SV2C: variants seen among roughly 807,000 people sequenced by gnomAD.
The protein encoded by SV2C is synaptic vesicle glycoprotein 2C.
SV2C carries 49 observed loss-of-function variants against 79.7 expected under a neutral mutation model. The ratio of observed to expected loss-of-function variants is 0.61; its 90% CI spans 0.49 to 0.78. The LOEUF (loss-of-function observed/expected upper bound fraction) is 0.78, where lower values mean the gene tolerates loss of function less well. SV2C is among the 30% of genes least tolerant of loss of function. The probability of loss-of-function intolerance (pLI) is 0.00; values close to 1 mark genes in which losing one functional copy is unlikely to be tolerated. For synonymous variants in SV2C, 334 were observed against 333.2 expected, an observed-to-expected ratio of 1.00 and a Z score of -0.03; for missense variants, 833 against 912.9, an observed-to-expected ratio of 0.91 and a Z score of 1.13.
chr5:76,352,493 A>C (rs1242394676), intron 12 of SV2C, among the ~76,000 whole-genome samples: 1 of 152,208 alleles, frequency 6.6e-6, no homozygotes, highest in Non-Finnish European at 1.5e-5. Flanking sequence ...GGTTTGTCAT[A>C]AAAGCTAGTT....
chr5:76,051,894 A>G, the SV2C span, among the ~76,000 whole-genome samples: 1 of 152,200 alleles, frequency 6.6e-6, no homozygotes, highest in Non-Finnish European at 1.5e-5. Flanking sequence ...GAAAAAGTAA[A>G]CTTGTGAGGA....
At chr5:76,155,673 T>G (rs1173306911) in intron 2 of SV2C, among the ~76,000 whole-genome samples, 4 of 152,126 alleles carry the variant, frequency 2.6e-5, no homozygotes, top group Non-Finnish European at 5.9e-5. Flanking sequence ...TCCTTGCCCT[T>G]GCTTGAAAGC....
the SV2C span, among the ~76,000 whole-genome samples, chr5:76,029,561 CA>C: frequency 6.6e-6 from 1 of 152,092 alleles, no homozygotes; most frequent in Non-Finnish European, 1.5e-5. Flanking sequence ...GTATTTGAGG[CA>C]AAAATTCAGA....
chr5:75,923,946 A>G, the SV2C span, among the ~76,000 whole-genome samples: 1 of 152,228 alleles, frequency 6.6e-6, no homozygotes, highest in African/African-American at 2.4e-5. Flanking sequence ...TAAGAAAAGT[A>G]CACATGCGCA....
chr5:76,200,798 C>G (rs951457810), intron 3 of SV2C, among the ~76,000 whole-genome samples: 1 of 152,122 alleles, frequency 6.6e-6, no homozygotes, highest in African/African-American at 2.4e-5. Flanking sequence ...TGCCACCACA[C>G]CCAGCTAACT....
chr5:76,064,609 A>G, the SV2C span, among the ~76,000 whole-genome samples: 1 of 152,044 alleles, frequency 6.6e-6, no homozygotes, highest in African/African-American at 2.4e-5. Flanking sequence ...TCAGGAAGAG[A>G]TGGTTCCTGG....
At chr5:76,204,532 G>A (rs993555447) in intron 3 of SV2C, among the ~76,000 whole-genome samples, 8 of 152,118 alleles carry the variant, frequency 5.3e-5, no homozygotes, top group Non-Finnish European at 8.8e-5. Flanking sequence ...GAGGTAAAGG[G>A]CTGCTTGACA....
intron 2 of SV2C, among the ~76,000 whole-genome samples, chr5:76,158,631 G>C (rs989715547): frequency 4.6e-5 from 7 of 151,858 alleles, no homozygotes. Flanking sequence ...TTTCAAGAGG[G>C]ATATAACAAC....
intron 1 of SV2C, among the ~76,000 whole-genome samples, chr5:76,117,986 T>A (rs1323863819): frequency 6.6e-6 from 1 of 152,244 alleles, no homozygotes; most frequent in African/African-American, 2.4e-5. Context: ...ATATCCTTCC[T>A]ATATGAAGAG....
At chr5:75,952,953 T>A in the SV2C span, among the ~76,000 whole-genome samples, 1,484 of 152,140 alleles carry the variant, frequency 9.8e-3, 27 homozygotes, top group African/African-American at 0.033. Context: ...TGCTTCTAGA[T>A]GTATCCCCTT....
At chr5:76,067,839 C>T in the SV2C span, among the ~76,000 whole-genome samples, 2 of 151,984 alleles carry the variant, frequency 1.3e-5, no homozygotes, top group African/African-American at 2.4e-5. Flanking sequence ...TTTATGTTTT[C>T]TCTTCCTTTT....
chr5:76,164,720 C>CTGTGTGTGTGTGTGTGTGTGTG (rs1279084172), intron 2 of SV2C, among the ~76,000 whole-genome samples: 1 of 63,918 alleles, frequency 1.6e-5, no homozygotes, highest in Non-Finnish European at 2.7e-5. Flanking sequence ...GGATGGAACT[C>CTGTGTGTGTGTGTGTGTGTGTG]AGTGTGTGTG....
chr5:75,990,678 G>A, the SV2C span, among the ~76,000 whole-genome samples: 1 of 151,924 alleles, frequency 6.6e-6, no homozygotes, highest in African/African-American at 2.4e-5. Context: ...GAATGAAGGT[G>A]CTAGGGCTGG....
chr5:76,015,667 A>T, the SV2C span, among the ~76,000 whole-genome samples: 3 of 152,176 alleles, frequency 2.0e-5, no homozygotes, highest in South Asian at 6.2e-4. Flanking sequence ...ACAAAAGCAC[A>T]ATCAAACTAT....
At chr5:76,296,374 C>A (rs1190280395) in intron 9 of SV2C, among the ~76,000 whole-genome samples, 1 of 152,136 alleles carries the variant, frequency 6.6e-6, no homozygotes, top group Non-Finnish European at 1.5e-5. Flanking sequence ...AGAATTCATC[C>A]TTCCCAATAC....
chr5:76,028,605 C>T, the SV2C span, among the ~76,000 whole-genome samples: 1 of 152,288 alleles, frequency 6.6e-6, no homozygotes, highest in Middle Eastern at 3.4e-3. Flanking sequence ...ATGCACATTT[C>T]CCAGACAATA....
chr5:75,963,205 T>C, the SV2C span, among the ~76,000 whole-genome samples: 3 of 152,124 alleles, frequency 2.0e-5, no homozygotes, highest in Non-Finnish European at 4.4e-5. Context: ...CTTTGAAAAA[T>C]TGAAAACCTC....
the SV2C span, among the ~76,000 whole-genome samples, chr5:76,010,654 A>G: frequency 6.6e-6 from 1 of 152,182 alleles, no homozygotes; most frequent in Non-Finnish European, 1.5e-5. Context: ...TTCTAACTCT[A>G]ACATTAAAAT....
chr5:76,240,362 A>G (rs1745748519), intron 4 of SV2C, among the ~76,000 whole-genome samples: 1 of 152,222 alleles, frequency 6.6e-6, no homozygotes, highest in Non-Finnish European at 1.5e-5. Flanking sequence ...AGTAGTGTGT[A>G]CATTACCAAC....
Sources: gnomAD v4.1 joint callset for allele counts (sites outside exome capture counted in the v4.1 genomes callset) on GRCh38, gnomAD v4.1.1 for gene constraint, MANE v1.5 for transcripts, NCBI Gene and HGNC (gene_info 2026-07-23, HGNC 2026-07-21) for gene names.